The following SAMD5 variants were observed in gnomAD, a reference collection of about 807,000 sequenced individuals.
SAMD5 encodes the protein sterile alpha motif domain-containing protein 5.
In SAMD5, 13 loss-of-function variants were observed where a neutral mutation model predicts 11.3. The ratio of observed to expected loss-of-function variants is 1.15; its 90% CI spans 0.75 to 1.83. The LOEUF is 1.83. Ranked by LOEUF, SAMD5 falls within the 40% of genes most tolerant of loss-of-function variation. The pLI is 0.00. For synonymous variants in SAMD5, 129 were observed against 111.3 expected, an observed-to-expected ratio of 1.16 and a Z score of -1.00; for missense variants, 255 against 239.1, an observed-to-expected ratio of 1.07 and a Z score of -0.44.
intron 1 of SAMD5, among the ~76,000 whole-genome samples, chr6:147,539,888 T>C (rs1788572389): frequency 6.6e-6 from 1 of 152,196 alleles, no homozygotes; most frequent in African/African-American, 2.4e-5. Flanking sequence ...AAAATTTTTT[T>C]ATTACCCAAC....
intron 1 of SAMD5, among the ~76,000 whole-genome samples, chr6:147,710,742 A>G (rs546872554): frequency 2.0e-5 from 3 of 152,280 alleles, no homozygotes; most frequent in South Asian, 2.1e-4. Context: ...TATGTTTTAT[A>G]TAGGAAAAGA....
chr6:147,807,164 A>G, the SAMD5 span, among the ~76,000 whole-genome samples: 1 of 151,974 alleles, frequency 6.6e-6, no homozygotes, highest in Non-Finnish European at 1.5e-5. Context: ...TAGTGGCACG[A>G]TCTCGGCTCA....
chr6:147,737,862 A>G (rs1359767545), downstream of SAMD5, among the ~76,000 whole-genome samples: 1 of 152,002 alleles, frequency 6.6e-6, no homozygotes, highest in Non-Finnish European at 1.5e-5. Flanking sequence ...ACAAGCCAGG[A>G]CATCGGTTAT....
chr6:147,753,951 T>C, the SAMD5 span, among the ~76,000 whole-genome samples: 4 of 152,216 alleles, frequency 2.6e-5, no homozygotes, highest in African/African-American at 9.6e-5. Context: ...ATTCATCTGC[T>C]GATGGACACT....
the SAMD5 span, among the ~76,000 whole-genome samples, chr6:147,954,410 A>G: frequency 6.6e-6 from 1 of 152,288 alleles, no homozygotes; most frequent in Middle Eastern, 3.4e-3. Flanking sequence ...AATGGAGCTG[A>G]AAATTTCTTA....
At chr6:147,525,322 A>C (rs1014601995) in intron 1 of SAMD5, among the ~76,000 whole-genome samples, 3 of 145,332 alleles carry the variant, frequency 2.1e-5, no homozygotes, top group African/African-American at 7.8e-5. Flanking sequence ...GAAGATTTTC[A>C]TGGAGGTGGT....
intron 1 of SAMD5, among the ~76,000 whole-genome samples, chr6:147,659,773 G>A (rs1147852): frequency 0.29 from 44,728 of 151,968 alleles, 6,650 homozygotes; most frequent in Non-Finnish European, 0.31. Context: ...TAGCATTAGG[G>A]TGTATTTTCC....
chr6:147,638,761 T>A (rs550240979), intron 1 of SAMD5, among the ~76,000 whole-genome samples: 2 of 150,866 alleles, frequency 1.3e-5, no homozygotes, highest in African/African-American at 4.8e-5. Flanking sequence ...TCTTCATAAA[T>A]GTGTCAGTTT....
chr6:147,874,874 CG>C, the SAMD5 span, among the ~76,000 whole-genome samples: 1 of 151,890 alleles, frequency 6.6e-6, no homozygotes, highest in Non-Finnish European at 1.5e-5. Flanking sequence ...CTGTGGGATT[CG>C]GGCAGGACTT....
the SAMD5 span, among the ~76,000 whole-genome samples, chr6:147,807,609 A>G: frequency 2.0e-5 from 3 of 152,196 alleles, no homozygotes; most frequent in African/African-American, 7.2e-5. Context: ...TAAAAATTGG[A>G]TAGTTTGCCC....
chr6:147,762,428 A>G, the SAMD5 span, among the ~76,000 whole-genome samples: 1 of 151,914 alleles, frequency 6.6e-6, no homozygotes, highest in Non-Finnish European at 1.5e-5. Context: ...CGAACCCCTG[A>G]CCTCAGGTGA....
chr6:147,768,545 A>G, the SAMD5 span, among the ~76,000 whole-genome samples: 1 of 152,108 alleles, frequency 6.6e-6, no homozygotes, highest in Non-Finnish European at 1.5e-5. Flanking sequence ...AAAAAACAAA[A>G]CAAAGAATAG....
the SAMD5 span, among the ~76,000 whole-genome samples, chr6:147,858,361 G>C: frequency 1.1e-4 from 17 of 152,042 alleles, no homozygotes; most frequent in Non-Finnish European, 2.2e-4. Flanking sequence ...ATCTTCTTAG[G>C]TTGCTCTGTT....
chr6:147,545,992 G>T (rs1788679332), intron 1 of SAMD5, among the ~76,000 whole-genome samples: 1 of 152,092 alleles, frequency 6.6e-6, no homozygotes, highest in Non-Finnish European at 1.5e-5. Flanking sequence ...AAATATGTGG[G>T]TATTATTCAG....
downstream of SAMD5, chr6:147,741,662 G>T (rs61734790): frequency 3.8e-4 from 58 of 152,244 alleles, no homozygotes; most frequent in African/African-American, 1.3e-3. Flanking sequence ...GGAACAGTAC[G>T]AGGCTTCTGA....
chr6:147,602,578 T>C (rs1789638398), intron 1 of SAMD5, among the ~76,000 whole-genome samples: 1 of 152,164 alleles, frequency 6.6e-6, no homozygotes, highest in Non-Finnish European at 1.5e-5. Flanking sequence ...ACCCCGTTTC[T>C]ACTAAAAATA....
chr6:147,884,200 A>C, the SAMD5 span, among the ~76,000 whole-genome samples: 1 of 152,196 alleles, frequency 6.6e-6, no homozygotes, highest in Non-Finnish European at 1.5e-5. Context: ...TAAGATGTAC[A>C]GTTGGCAAAG....
At chr6:147,903,411 T>G in the SAMD5 span, among the ~76,000 whole-genome samples, 1 of 152,164 alleles carries the variant, frequency 6.6e-6, no homozygotes, top group South Asian at 2.1e-4. Context: ...ACACTAGGAC[T>G]AAGGAAATGC....
the SAMD5 span, among the ~76,000 whole-genome samples, chr6:147,919,163 T>A: frequency 6.6e-6 from 1 of 152,144 alleles, no homozygotes; most frequent in Non-Finnish European, 1.5e-5. Flanking sequence ...GTCTCATTGG[T>A]CAAGGAGATG....
Sources: allele counts gnomAD v4.1 joint callset (sites outside exome capture counted in the v4.1 genomes callset), GRCh38; gene constraint gnomAD v4.1.1; transcripts MANE v1.5; gene names NCBI Gene and HGNC (gene_info 2026-07-23, HGNC 2026-07-21).